PTPRN2: variants seen among roughly 807,000 people sequenced by gnomAD.
The protein encoded by PTPRN2 is protein tyrosine phosphatase receptor type N2.
Under a neutral mutation model 118.8 loss-of-function variants are expected in PTPRN2, and 74 were observed. That is an observed-to-expected ratio of 0.62 (90% CI 0.52 to 0.76). PTPRN2 has a LOEUF of 0.76. PTPRN2 is among the 30% of genes least tolerant of loss of function. The pLI, the probability that PTPRN2 is intolerant of heterozygous loss-of-function variation, is 0.00. For missense variants in PTPRN2, 1,481 were observed against 1,394.4 expected (o/e 1.06, Z -0.99); for synonymous variants, 641 against 608.0 (o/e 1.05, Z -0.80).
intron 5 of PTPRN2, among the ~76,000 whole-genome samples, chr7:158,179,937 A>C (rs1291889200): frequency 1.3e-5 from 2 of 152,264 alleles, no homozygotes; most frequent in Non-Finnish European, 2.9e-5. Flanking sequence ...AATTAAAAGT[A>C]GCTATAAATA....
chr7:158,235,309 G>A (rs1333145607), intron 3 of PTPRN2, among the ~76,000 whole-genome samples: 2 of 152,148 alleles, frequency 1.3e-5, no homozygotes, highest in Non-Finnish European at 2.9e-5. Flanking sequence ...TTTATTGCAG[G>A]ACTAGTCACA....
At position 158,072,100 on chromosome 7, in the gene PTPRN2, ATGGAGGTGCTCATGGTGG is replaced by A. The variant is rs1217245475; in HGVS notation, c.1723+9180_1723+9197del. ...TCGTGGTGGTGGAGGTGCTCGTAGT[ATGGAGGTGCTCATGGTGG>A]TGGAGGTGCTCATGTAGGATCTAAA... On this transcript the variant is annotated intron_variant, in intron 11 of 22. Coordinates refer to ENST00000389418, the MANE Select transcript of PTPRN2 (RefSeq NM_002847.5). 1.0e-4 allele frequency among the ~76,000 whole-genome samples: 12 copies of A among 118,394 alleles called. No individual in the cohort carries two copies. In the South Asian group the frequency reaches 1.6e-3, roughly 16 times the overall value. 77.7% of individuals were successfully genotyped at this position (118,394 alleles called of 152,430 possible). A position where few individuals can be genotyped will look rare whatever the true frequency, so the allele number is the denominator to read the frequency against.
chr7:157,837,641 G>T (rs968204816), intron 12 of PTPRN2, among the ~76,000 whole-genome samples: 1 of 152,066 alleles, frequency 6.6e-6, no homozygotes, highest in Non-Finnish European at 1.5e-5. Flanking sequence ...CACTCCTGCC[G>T]TCTGCAAGGA....
At chr7:158,367,687 GT>G (rs553751132) in intron 2 of PTPRN2, among the ~76,000 whole-genome samples, 1 of 152,108 alleles carries the variant, frequency 6.6e-6, no homozygotes, top group South Asian at 2.1e-4. Context: ...ATTAATGTTA[GT>G]TTTTTTCCAG....
rs528894797 is a variant in PTPRN2 at position 157,550,473 on chromosome 7, C to T, written c.2903-1454G>A. ...GGAGAATCTGGCTGTCAGGACAGCC[C>T]CACAGCGGCTCCACCAGGGAGGCCG... is the stretch of plus-strand genomic sequence containing the variant. On this transcript the variant is annotated intron_variant, in intron 21 of 22. Transcript: ENST00000389418. This position sits in a 1 kb window ranked among gnomAD's most constrained non-coding sequence, Gnocchi z 5.2. Among the ~76,000 whole-genome samples, 118 of 152,326 alleles carry T rather than the reference C, an allele frequency of 7.7e-4. No individual in the cohort carries two copies. Among genetic ancestry groups the T allele is most frequent in the African/African-American group, 2.8e-3 (116 of 41,564 alleles).
chr7:157,955,907 G>A lies in PTPRN2; in HGVS notation c.1724-57170C>T, dbSNP rs532840319. ...AAATTGGTGCGATTTCCAATAATAC[G>A]TAGCCTTTGCATATTTCTAAAGAGA... On this transcript the variant is annotated intron_variant, in intron 11 of 22. Coordinates refer to ENST00000389418, the MANE Select transcript of PTPRN2 (RefSeq NM_002847.5). 1.1e-4 allele frequency among the ~76,000 whole-genome samples: 16 copies of A among 152,268 alleles called. No individual in the cohort carries two copies. The South Asian group carries it at 2.9e-3, about 28-fold the overall frequency.
intron 3 of PTPRN2, among the ~76,000 whole-genome samples, chr7:158,263,424 G>GCACACA (rs67067656): frequency 6.6e-6 from 1 of 151,482 alleles, no homozygotes; most frequent in African/African-American, 2.4e-5. Context: ...ACAAACACAT[G>GCACACA]CACACACACA....
At chr7:157,743,892 C>T (rs1041939020) in intron 12 of PTPRN2, among the ~76,000 whole-genome samples, 1 of 152,230 alleles carries the variant, frequency 6.6e-6, no homozygotes, top group South Asian at 2.1e-4. Context: ...GAAAGTGCTG[C>T]CCCATTTCTT....
At chr7:158,510,064 G>A (rs865791532) in intron 1 of PTPRN2, among the ~76,000 whole-genome samples, 50 of 152,312 alleles carry the variant, frequency 3.3e-4, no homozygotes, top group African/African-American at 9.1e-4. Flanking sequence ...GACAGTGTTC[G>A]CAGATCTTGG....
At chr7:158,325,472 G>A (rs939622378) in intron 2 of PTPRN2, among the ~76,000 whole-genome samples, 2 of 152,090 alleles carry the variant, frequency 1.3e-5, no homozygotes, top group African/African-American at 4.8e-5. Flanking sequence ...GAGGCAATTA[G>A]CTTAGGGCAT....
chr7:158,136,162 G>A (rs567832653), intron 8 of PTPRN2, among the ~76,000 whole-genome samples: 144 of 152,316 alleles, frequency 9.5e-4, no homozygotes, highest in African/African-American at 3.1e-3. Flanking sequence ...ACGTGCCGCC[G>A]ACCTGAACCC....
At chr7:158,338,602 G>C (rs1806137067) in intron 2 of PTPRN2, among the ~76,000 whole-genome samples, 1 of 98,312 alleles carries the variant, frequency 1.0e-5, no homozygotes, top group East Asian at 2.8e-4. Flanking sequence ...CATAAGAGCT[G>C]AGGCCCACAG....
Position 158,405,993 on chromosome 7 carries a change from G to C in PTPRN2, c.163+83742C>G, listed in dbSNP as rs532830326. On this transcript the variant is annotated intron_variant, in intron 2 of 22. Transcript: ENST00000389418. The stretch of plus-strand genomic sequence containing the variant: ...GTCCGCACACTGAGATCCCGCAGTG[G>C]CTCATCCGTGAGACACGTGGCTGCA... 7.0e-4 allele frequency among the ~76,000 whole-genome samples: 102 copies of C among 145,646 alleles called. 1 individual carries two copies. Among genetic ancestry groups the C allele is most frequent in the Non-Finnish European group, 1.2e-3 (77 of 66,908 alleles).
intron 2 of PTPRN2, among the ~76,000 whole-genome samples, chr7:158,405,783 T>C (rs1452298234): frequency 2.6e-5 from 4 of 152,240 alleles, no homozygotes; most frequent in Non-Finnish European, 5.9e-5. Flanking sequence ...AAGTGGCTTA[T>C]CCATGCATGT....
intron 9 of PTPRN2, among the ~76,000 whole-genome samples, chr7:158,127,308 C>A (rs1366921213): frequency 6.6e-6 from 1 of 150,604 alleles, no homozygotes; most frequent in Non-Finnish European, 1.5e-5. Context: ...TCTGCGTGCA[C>A]CCTGCGTCCT....
intron 11 of PTPRN2, among the ~76,000 whole-genome samples, chr7:157,912,464 C>T (rs1232402391): frequency 6.6e-6 from 1 of 152,164 alleles, no homozygotes; most frequent in African/African-American, 2.4e-5. Flanking sequence ...CAGTTTGTGG[C>T]TTGGCTTCTT....
chr7:158,271,639 A>T (rs556593170), intron 3 of PTPRN2, among the ~76,000 whole-genome samples: 1 of 152,342 alleles, frequency 6.6e-6, no homozygotes, highest in South Asian at 2.1e-4. Context: ...CAGCCCATGC[A>T]GGCTGCTATA....
chr7:157,567,990 G>T (rs937570876), intron 21 of PTPRN2, among the ~76,000 whole-genome samples: 1 of 152,138 alleles, frequency 6.6e-6, no homozygotes, highest in African/African-American at 2.4e-5. Context: ...CCTGCCTGGG[G>T]AGCCTTCTCT....
intron 12 of PTPRN2, among the ~76,000 whole-genome samples, chr7:157,718,472 C>T (rs1260523520): frequency 6.6e-6 from 1 of 152,214 alleles, no homozygotes; most frequent in African/African-American, 2.4e-5. Context: ...CTCCTCCCAA[C>T]CCTGCAGTCC....
Sources: allele counts gnomAD v4.1 joint callset (sites outside exome capture counted in the v4.1 genomes callset), GRCh38; gene constraint gnomAD v4.1.1; non-coding constraint Gnocchi (gnomAD v3.1); transcripts MANE v1.5; gene names NCBI Gene and HGNC (gene_info 2026-07-23, HGNC 2026-07-21).